Variants in TTC19 observed in about 807,000 individuals in gnomAD.
TTC19 encodes tetratricopeptide repeat protein 19, mitochondrial.
In TTC19, 38 loss-of-function variants were observed where a neutral mutation model predicts 49.5. That is an observed-to-expected ratio of 0.77 (90% CI 0.59 to 1.01). TTC19 has a LOEUF of 1.01. Among genes scored for constraint, TTC19 ranks in the 50% least tolerant of loss-of-function variants. TTC19 has a pLI of 0.00. For synonymous variants in TTC19, 204 were observed against 185.2 expected (o/e 1.10, Z -0.83); for missense variants, 475 against 477.7 (o/e 0.99, Z 0.05).
chr17:16,026,797 C>A, intron 9 of TTC19, 95 bp downstream of exon 9: 5 of 1,280,920 alleles, frequency 3.9e-6, no homozygotes, highest in Non-Finnish European at 5.6e-6. Context: ...GGGCAAGGGC[C>A]AACGAATAAA....
rs1182153382 is a variant in TTC19 at position 15,999,859 on chromosome 17, T to C, written c.11T>C (p.Leu4Pro). Reference sequence around the variant, plus strand: ...GGACGCGGCGGGAGCATGTTCCGGCTCCTGAGCTGGAGCCTGGGCCGAGGC... The same window carrying C: ...GGACGCGGCGGGAGCATGTTCCGGCCCCTGAGCTGGAGCCTGGGCCGAGGC... MFR[L>P]LSWSLGRGFL... is the part of the protein sequence containing the mutation. The change falls in exon 1 of 10, where the codon CTC (leucine) becomes CCC (proline). Residue 4 changes from leucine (L) to proline (P), a missense_variant. Coordinates refer to ENST00000261647, the MANE Select transcript of TTC19 (RefSeq NM_017775.4). 5.3e-6 allele frequency: 8 copies of C among 1,509,700 alleles called. No individual in the cohort carries two copies. The highest frequency in any genetic ancestry group is 4.1e-5 in the Admixed American group (2 of 48,564). The allele number at this position is 1,509,700 out of a possible 1,614,324, so 93.5% of individuals were successfully genotyped here.
chr17:16,034,795 A>T (rs1417829995), intron 2 of TTC19: 1 of 1,613,926 alleles, frequency 6.2e-7, no homozygotes, highest in Non-Finnish European at 8.5e-7. Flanking sequence ...TCCCAGGCCC[A>T]CCCTGGCGTC....
exon 3 of TTC19, chr17:16,044,574 C>A: frequency 1.9e-6 from 1 of 524,808 alleles, no homozygotes; most frequent in South Asian, 1.5e-5. Flanking sequence ...CTTCATCCGG[C>A]AACTACCACC....
At chr17:16,041,603 C>T (rs898624229) in intron 2 of TTC19, among the ~76,000 whole-genome samples, 5 of 151,374 alleles carry the variant, frequency 3.3e-5, no homozygotes, top group Non-Finnish European at 7.4e-5. Flanking sequence ...TTAGTAGAGA[C>T]GGAGTTTCAC....
chr17:16,027,213 G>A, intron 9 of TTC19, 161 bp from the exon 10 acceptor site: 2 of 809,406 alleles, frequency 2.5e-6, no homozygotes, highest in South Asian at 1.6e-5. Context: ...ATTCAGTGGA[G>A]TTCCAGCCTG....
At chr17:16,000,547 C>G (rs1970692504) in intron 2 of TTC19, 1 of 593,362 alleles carries the variant, frequency 1.7e-6, no homozygotes, top group Non-Finnish European at 2.4e-6. Context: ...ATCAATTAAC[C>G]AGCCTATCTG....
rs1372322127 is a variant in TTC19 at position 16,000,586 on chromosome 17, G to A, written c.312+341G>A. 6 of 325,318 alleles carry A rather than the reference G, an allele frequency of 1.8e-5. No individual in the cohort carries two copies. The East Asian group carries it at 7.0e-4, about 38-fold the overall frequency. The allele number at this position is 325,318 out of a possible 1,614,324, so 20.2% of individuals were successfully genotyped here. The stretch of plus-strand genomic sequence containing the variant: ...TGACATAATTTCGCACGTATATAGC[G>A]GCCTGAAAATGGCAACTTAGTGTTG... On this transcript the variant is annotated intron_variant, in intron 2 of 9. Coordinates refer to ENST00000261647, the MANE Select transcript of TTC19 (RefSeq NM_017775.4).
chr17:16,042,632 A>G (rs3785631), intron 2 of TTC19, among the ~76,000 whole-genome samples: 73,756 of 152,072 alleles, frequency 0.49, 18,529 homozygotes, highest in Middle Eastern at 0.57. Flanking sequence ...AATTAGCAGA[A>G]TGGAAGGTAG....
intron 7 of TTC19, among the ~76,000 whole-genome samples, chr17:16,018,608 C>T (rs1368691603): frequency 5.3e-5 from 8 of 152,100 alleles, no homozygotes. Context: ...CCAGGCTCAA[C>T]TGATCCTCCT....
At chr17:16,041,631 T>C (rs1023208425) in intron 2 of TTC19, among the ~76,000 whole-genome samples, 5 of 152,110 alleles carry the variant, frequency 3.3e-5, no homozygotes, top group African/African-American at 1.2e-4. Context: ...GCCAGGCTGG[T>C]CTCGAACTCC....
intron 7 of TTC19, among the ~76,000 whole-genome samples, chr17:16,009,529 TTAGA>T (rs1157905124): frequency 6.6e-6 from 1 of 152,182 alleles, no homozygotes; most frequent in Non-Finnish European, 1.5e-5. Context: ...GGAATTCTTG[TTAGA>T]TAGAGCAAGC....
chr17:16,044,318 G>A (rs568266809), intron 2 of TTC19: 105 of 458,942 alleles, frequency 2.3e-4, no homozygotes, highest in South Asian at 1.6e-3. Context: ...AGAAACAGTG[G>A]TGACACTGGC....
intron 7 of TTC19, among the ~76,000 whole-genome samples, chr17:16,017,801 T>C (rs1971260566): frequency 6.6e-6 from 1 of 152,072 alleles, no homozygotes; most frequent in South Asian, 2.1e-4. Context: ...AAAGGGATAA[T>C]TGGTCTAATT....
Position 16,025,032 on chromosome 17 carries a change from A to G in TTC19, c.692A>G (p.Asn231Ser), listed in dbSNP as rs150945703. Residue 231 changes from asparagine to serine, a missense_variant, in exon 8 of 10, where the codon AAT becomes AGT. Coordinates refer to ENST00000261647, the MANE Select transcript of TTC19 (RefSeq NM_017775.4). ...TTCTCCTTAGTGGAAGAGAAAGCCA[A>G]TACCCACCTCCTCTTGGGCATGTGC... Reference protein sequence around the residue: ...EDIMSVEEKANTHLLLGMCLD... With the variant: ...EDIMSVEEKASTHLLLGMCLD... 6.2e-6 allele frequency: 10 copies of G among 1,613,918 alleles called. No individual in the cohort carries two copies. The highest frequency in any genetic ancestry group is 4.0e-5 in the African/African-American group (3 of 75,034).
intron 7 of TTC19, 25 bp from the exon 8 acceptor site, chr17:16,024,992 T>C (rs779499875): frequency 1.9e-6 from 3 of 1,613,378 alleles, no homozygotes; most frequent in Non-Finnish European, 1.7e-6. Context: ...TTGGGTAGAT[T>C]TGCTGATTCC....
chr17:16,024,852 G>A, intron 7 of TTC19, 165 bp from the exon 8 acceptor site: 2 of 660,802 alleles, frequency 3.0e-6, no homozygotes, highest in East Asian at 2.6e-5. Flanking sequence ...TAAAATGTGG[G>A]CTGAAGTTCC....
Position 16,029,200 on chromosome 17 carries a change from C to T in TTC19, c.*1678C>T, listed in dbSNP as rs1416834187. On this transcript the variant is annotated 3_prime_UTR_variant, in exon 10 of 10. Transcript: ENST00000261647. ...ATTTATTTATTAATTTTAAATCATC[C>T]ACAGTGACTCAGCTCATGGTCTCGT... The T allele has an allele frequency of 4.4e-6, 2 of 453,686 alleles. No individual in the cohort carries two copies. Among genetic ancestry groups the T allele is most frequent in the Middle Eastern group, 6.9e-4 (1 of 1,444 alleles). The allele number at this position is 453,686 out of a possible 1,614,324, so 28.1% of individuals were successfully genotyped here.
intron 7 of TTC19, among the ~76,000 whole-genome samples, chr17:16,022,674 T>C (rs1971421499): frequency 6.6e-6 from 1 of 152,216 alleles, no homozygotes; most frequent in Admixed American, 6.5e-5. Context: ...TCTATATTTA[T>C]GTAAACCTAG....
chr17:16,028,355 T>A lies in TTC19; in HGVS notation c.*833T>A, dbSNP rs1421077201. Reference sequence around the variant, plus strand: ...CCCTACAGGTATATTTTAAAACTCTTCGTAATTCTAATGTGTACTGCTGGT... The same window carrying A: ...CCCTACAGGTATATTTTAAAACTCTACGTAATTCTAATGTGTACTGCTGGT... On this transcript the variant is annotated 3_prime_UTR_variant, in exon 10 of 10. Transcript: ENST00000261647. The A allele has an allele frequency of 4.4e-6, 2 of 454,074 alleles. No individual in the cohort carries two copies. Among genetic ancestry groups the A allele is most frequent in the South Asian group, 3.1e-5 (2 of 64,474 alleles). The allele number at this position is 454,074 out of a possible 1,614,324, so 28.1% of individuals were successfully genotyped here.
Sources: allele counts gnomAD v4.1 joint callset (sites outside exome capture counted in the v4.1 genomes callset), GRCh38; gene constraint gnomAD v4.1.1; transcripts MANE v1.5; gene names NCBI Gene and HGNC (gene_info 2026-07-23, HGNC 2026-07-21).